The following PCCA variants were observed in gnomAD, a reference collection of about 807,000 sequenced individuals.
The protein encoded by PCCA is propionyl-CoA carboxylase alpha chain, mitochondrial.
A neutral mutation model predicts 101.3 loss-of-function variants in PCCA; 74 were observed. The observed-to-expected ratio is 0.73, with a 90% confidence interval of 0.61 to 0.89. The LOEUF (loss-of-function observed/expected upper bound fraction) is 0.89, where lower values mean the gene tolerates loss of function less well. PCCA is among the 40% of genes least tolerant of loss of function. The probability of loss-of-function intolerance (pLI) is 0.00; values close to 1 mark genes in which losing one functional copy is unlikely to be tolerated. For synonymous variants in PCCA, 294 were observed against 313.6 expected (o/e 0.94, Z 0.66); for missense variants, 891 against 907.0 (o/e 0.98, Z 0.23).
intron 18 of PCCA, among the ~76,000 whole-genome samples, chr13:100,362,284 G>A (rs897816346): frequency 5.9e-5 from 9 of 151,930 alleles, no homozygotes; most frequent in African/African-American, 1.9e-4. Flanking sequence ...AGTTGTATGC[G>A]AGTAAAATTT....
chr13:100,218,011 G>T (rs2059616091), intron 7 of PCCA, among the ~76,000 whole-genome samples: 1 of 151,200 alleles, frequency 6.6e-6, no homozygotes, highest in Non-Finnish European at 1.5e-5. Flanking sequence ...GGGGGAGGAG[G>T]TTGCAGTGAG....
intron 20 of PCCA, among the ~76,000 whole-genome samples, chr13:100,426,756 T>G (rs1314033737): frequency 6.6e-6 from 1 of 152,164 alleles, no homozygotes; most frequent in Non-Finnish European, 1.5e-5. Context: ...ATTTTTTTAA[T>G]TTTCTAACTC....
chr13:100,454,479 A>G (rs2081569948), intron 21 of PCCA, among the ~76,000 whole-genome samples: 1 of 152,260 alleles, frequency 6.6e-6, no homozygotes, highest in Non-Finnish European at 1.5e-5. Flanking sequence ...TGGTCCTGTT[A>G]CAACAAATAC....
rs76391056 is a variant in PCCA at position 100,090,772 on chromosome 13, C to T, written c.105+1547C>T. Among the ~76,000 whole-genome samples, 413 of 152,322 alleles carry T rather than the reference C, an allele frequency of 2.7e-3. 9 individuals carry two copies. In the East Asian group the frequency reaches 0.068, roughly 25 times the overall value. On this transcript the variant is annotated intron_variant, in intron 1 of 23. Coordinates refer to ENST00000376285, the MANE Select transcript of PCCA (RefSeq NM_000282.4). ...GCTTGAACTAATTTATTCAATCTCACAACAGTCGTATGTCCCCCATTTACA... is the reference window on the plus strand; with the variant it reads ...GCTTGAACTAATTTATTCAATCTCATAACAGTCGTATGTCCCCCATTTACA...
At chr13:100,181,275 T>A (rs969746401) in intron 6 of PCCA, among the ~76,000 whole-genome samples, 2 of 152,242 alleles carry the variant, frequency 1.3e-5, no homozygotes, top group African/African-American at 4.8e-5. Context: ...GTTAACAGCA[T>A]TTTGTTCTTT....
chr13:100,204,244 C>T (rs1341783590), intron 6 of PCCA, among the ~76,000 whole-genome samples: 1 of 152,134 alleles, frequency 6.6e-6, no homozygotes, highest in Non-Finnish European at 1.5e-5. Context: ...ATCCTCCTAC[C>T]TCAGCTTCCT....
chr13:100,208,842 C>A (rs575768149), intron 6 of PCCA, among the ~76,000 whole-genome samples: 120 of 152,276 alleles, frequency 7.9e-4, no homozygotes, highest in African/African-American at 2.8e-3. Flanking sequence ...GTGATCTGTT[C>A]ACGTTTCCTG....
chr13:100,441,069 G>A (rs944196406), intron 20 of PCCA, among the ~76,000 whole-genome samples: 9 of 152,156 alleles, frequency 5.9e-5, no homozygotes, highest in African/African-American at 1.9e-4. Flanking sequence ...AGTTTTCTGG[G>A]TTTTATAATT....
At chr13:100,273,035 C>A (rs971972739) in intron 11 of PCCA, among the ~76,000 whole-genome samples, 161 bp from the exon 12 acceptor site, 1 of 152,214 alleles carries the variant, frequency 6.6e-6, no homozygotes, top group South Asian at 2.1e-4. Flanking sequence ...ATATAGTCAA[C>A]ATATATTATA....
chr13:100,259,944 G>C (rs1421243057), intron 9 of PCCA, among the ~76,000 whole-genome samples: 1 of 152,120 alleles, frequency 6.6e-6, no homozygotes, highest in African/African-American at 2.4e-5. Flanking sequence ...TTTCCCATGA[G>C]TTCTAAAATA....
intron 4 of PCCA, among the ~76,000 whole-genome samples, chr13:100,132,519 T>G (rs1489611358): frequency 6.6e-6 from 1 of 152,246 alleles, no homozygotes; most frequent in Non-Finnish European, 1.5e-5. Context: ...CGAGTAGTGT[T>G]GCATTGTGTG....
intron 20 of PCCA, among the ~76,000 whole-genome samples, chr13:100,426,225 G>A (rs1313297340): frequency 6.6e-6 from 1 of 152,050 alleles, no homozygotes; most frequent in Admixed American, 6.6e-5. Flanking sequence ...CCTGCCTTGA[G>A]GAGATGCCTT....
chr13:100,468,822 C>T (rs925756704), intron 21 of PCCA, among the ~76,000 whole-genome samples: 2 of 152,026 alleles, frequency 1.3e-5, no homozygotes, highest in South Asian at 2.1e-4. Context: ...GTCAGGAGTT[C>T]GAGACCAGCC....
intron 4 of PCCA, among the ~76,000 whole-genome samples, chr13:100,139,362 A>G (rs1472132452): frequency 2.6e-5 from 4 of 151,830 alleles, no homozygotes; most frequent in Non-Finnish European, 5.9e-5. Context: ...TTTCTCTGAT[A>G]GACATGTATG....
chr13:100,156,396 C>T (rs777990477), intron 5 of PCCA, among the ~76,000 whole-genome samples: 2 of 152,148 alleles, frequency 1.3e-5, no homozygotes, highest in Non-Finnish European at 2.9e-5. Context: ...GTCGCTGATA[C>T]GTAGCTATTT....
chr13:100,172,900 C>A (rs2055840654), intron 6 of PCCA, among the ~76,000 whole-genome samples: 2 of 152,162 alleles, frequency 1.3e-5, no homozygotes, highest in African/African-American at 4.8e-5. Flanking sequence ...GATTTGAACC[C>A]CGTCATTACC....
At chr13:100,523,068 C>T (rs534210345) in intron 22 of PCCA, among the ~76,000 whole-genome samples, 4 of 152,228 alleles carry the variant, frequency 2.6e-5, no homozygotes, top group Admixed American at 2.0e-4. Context: ...GAGCGTTCTT[C>T]GTGGTCATGG....
intron 20 of PCCA, among the ~76,000 whole-genome samples, chr13:100,442,948 C>T (rs1054904052): frequency 4.6e-5 from 7 of 151,990 alleles, no homozygotes; most frequent in South Asian, 2.1e-4. Flanking sequence ...GAGAGTGGAA[C>T]GAGGAAGACA....
At chr13:100,170,360 G>C (rs2055512682) in intron 6 of PCCA, among the ~76,000 whole-genome samples, 1 of 152,148 alleles carries the variant, frequency 6.6e-6, no homozygotes, top group African/African-American at 2.4e-5. Flanking sequence ...AATGATTCTT[G>C]TTGCCCCCAG....
Sources: gnomAD v4.1 joint callset for allele counts (sites outside exome capture counted in the v4.1 genomes callset) on GRCh38, gnomAD v4.1.1 for gene constraint, MANE v1.5 for transcripts, NCBI Gene and HGNC (gene_info 2026-07-23, HGNC 2026-07-21) for gene names.